Variants in COL6A3 observed in about 807,000 individuals in gnomAD.
COL6A3 encodes the protein collagen type VI alpha 3 chain.
Under a neutral mutation model 274.1 loss-of-function variants are expected in COL6A3, and 137 were observed. The observed-to-expected ratio is 0.50, with a 90% CI of 0.44 to 0.58. The LOEUF (loss-of-function observed/expected upper bound fraction) is 0.58, where lower values mean the gene tolerates loss of function less well. COL6A3 is among the 20% of genes least tolerant of loss of function. The probability of loss-of-function intolerance (pLI) is 0.00; values close to 1 mark genes in which losing one functional copy is unlikely to be tolerated. For synonymous variants in COL6A3, 1,650 were observed against 1,650.6 expected (o/e 1.00, Z 0.01); for missense variants, 3,950 against 4,124.9 (o/e 0.96, Z 1.16).
intron 32 of COL6A3, 81 bp from the exon 33 acceptor site, chr2:237,345,294 C>G (rs892570158): frequency 1.1e-5 from 15 of 1,398,760 alleles, no homozygotes; most frequent in Non-Finnish European, 1.5e-5. Context: ...CAGAAATACA[C>G]AGAGCAAGAC....
intron 1 of COL6A3, among the ~76,000 whole-genome samples, chr2:237,410,801 G>A (rs2078838612): frequency 6.6e-6 from 1 of 152,160 alleles, no homozygotes; most frequent in South Asian, 2.1e-4. Context: ...TAAAGAATAG[G>A]ATTGTCCTTT....
intron 3 of COL6A3, among the ~76,000 whole-genome samples, chr2:237,393,824 A>G (rs1035934977): frequency 2.6e-5 from 4 of 152,228 alleles, no homozygotes; most frequent in African/African-American, 9.6e-5. Context: ...CTGTCGGCCA[A>G]TTAGCTCTGT....
In COL6A3 at chr2:237,380,974, A is replaced by C. The variant is rs1360205214; in HGVS notation, c.1838T>G (p.Leu613Trp). 3.1e-6 allele frequency: 5 copies of C among 1,614,200 alleles called. No homozygotes were observed. The highest frequency in any genetic ancestry group is 3.3e-5 in the Admixed American group (2 of 60,022). Residue 613 changes from leucine to tryptophan, a missense_variant, in exon 5 of 44, where the codon TTG becomes TGG. Around this residue, in one of 5 missense-constraint regions of COL6A3, gnomAD observed 1,934 missense variants for 1,984.3 expected, o/e 0.97. Coordinates refer to ENST00000295550, the MANE Select transcript of COL6A3 (RefSeq NM_004369.4). Reference protein sequence around the residue: ...FIPAEFRAAPLQGMLPGLLAP... With the variant: ...FIPAEFRAAPWQGMLPGLLAP... ...CAGCAAGCCAGGCAGCATGCCTTGC[A>C]ATGGGGCGGCTCGGAACTCAGCTGG... is the stretch of plus-strand genomic sequence containing the variant.
At chr2:237,411,408 T>A (rs1245481141) in intron 1 of COL6A3, among the ~76,000 whole-genome samples, 1 of 152,222 alleles carries the variant, frequency 6.6e-6, no homozygotes, top group Non-Finnish European at 1.5e-5. Flanking sequence ...TTGATCCAGT[T>A]GTCTGAACAC....
At position 237,344,961 on chromosome 2, in the gene COL6A3, G is replaced by T. The variant is rs2077068491; in HGVS notation, c.7163-9C>A. The T allele has an allele frequency of 6.2e-7, 1 of 1,614,200 alleles. No individual in the cohort carries two copies. The highest frequency in any genetic ancestry group is 1.7e-5 in the Admixed American group (1 of 60,028). On this transcript the variant is annotated splice_polypyrimidine_tract_variant and intron_variant, in intron 34 of 43. Transcript: ENST00000295550. The surrounding 1 kb of genome is among the most constrained non-coding windows in gnomAD (Gnocchi z 4.8). ...CTTACCGTAACAGCAAGCTAGAAAA[G>T]AAGCAAAGAGAAGAAAGGGTGAGAG...
chr2:237,385,496 C>T (rs577588813), intron 4 of COL6A3, among the ~76,000 whole-genome samples: 5 of 152,164 alleles, frequency 3.3e-5, no homozygotes, highest in South Asian at 4.1e-4. Flanking sequence ...TTCAAGAAAT[C>T]GAAACCCAGA....
intron 41 of COL6A3, 125 bp downstream of exon 41, chr2:237,334,501 G>C: frequency 1.9e-6 from 2 of 1,056,260 alleles, no homozygotes; most frequent in Non-Finnish European, 2.8e-6. Context: ...TGTTGTTGTT[G>C]CTGTTGTTGT....
At position 237,358,848 on chromosome 2, in the gene COL6A3, G is replaced by A. The variant is rs112752569; in HGVS notation, c.6408+187C>T. Reference sequence around the variant, plus strand: ...TCCCTGCCCTATGGGATGTGATCTCGAAACAAGAAAATGTACTGTAATGTG... The same window carrying A: ...TCCCTGCCCTATGGGATGTGATCTCAAAACAAGAAAATGTACTGTAATGTG... On this transcript the variant is annotated intron_variant, in intron 20 of 43. Transcript: ENST00000295550. Among the ~76,000 whole-genome samples the A allele has an allele frequency of 1.6e-3, 239 of 152,268 alleles. 2 individuals carry two copies. Among genetic ancestry groups the A allele is most frequent in the African/African-American group, 5.0e-3 (208 of 41,550 alleles).
intron 8 of COL6A3, among the ~76,000 whole-genome samples, chr2:237,373,274 G>A (rs917557572): frequency 6.6e-6 from 1 of 152,220 alleles, no homozygotes; most frequent in Non-Finnish European, 1.5e-5. Flanking sequence ...CTGGGGCCAA[G>A]ACACAGCATC....
chr2:237,359,984 G>T, intron 17 of COL6A3, 104 bp downstream of exon 17: 2 of 1,206,392 alleles, frequency 1.7e-6, no homozygotes, highest in Non-Finnish European at 2.4e-6. Flanking sequence ...TGAATGCTGA[G>T]GTCAAGAAGC....
intron 8 of COL6A3, among the ~76,000 whole-genome samples, chr2:237,373,441 A>G (rs2077745260): frequency 6.6e-6 from 1 of 152,218 alleles, no homozygotes; most frequent in Non-Finnish European, 1.5e-5. Flanking sequence ...ATGCTCAGGA[A>G]CATCCCACAG....
chr2:237,388,459 T>G (rs1356165050), intron 3 of COL6A3, among the ~76,000 whole-genome samples: 2 of 152,218 alleles, frequency 1.3e-5, no homozygotes, highest in African/African-American at 4.8e-5. Context: ...AACATCATAT[T>G]CACTTTTCTG....
At chr2:237,335,993 C>T (rs1700522169) in intron 40 of COL6A3, 142 bp downstream of exon 40, 2 of 1,073,896 alleles carry the variant, frequency 1.9e-6, no homozygotes, top group Non-Finnish European at 2.7e-6. Context: ...TAACCAACAC[C>T]TCTTAAAATA....
At chr2:237,352,978 T>C (rs546017512) in intron 25 of COL6A3, among the ~76,000 whole-genome samples, 2 of 152,172 alleles carry the variant, frequency 1.3e-5, no homozygotes, top group African/African-American at 4.8e-5. Context: ...CATGCTGCAA[T>C]GTGGATGAAG....
intron 26 of COL6A3, among the ~76,000 whole-genome samples, chr2:237,351,482 C>A (rs563317943): frequency 2.8e-4 from 42 of 152,352 alleles, no homozygotes; most frequent in Non-Finnish European, 5.3e-4. Flanking sequence ...AGGTTCCTGA[C>A]AGGACGGCAA....
intron 41 of COL6A3, 50 bp downstream of exon 41, chr2:237,334,576 G>A: frequency 6.3e-7 from 1 of 1,590,894 alleles, no homozygotes; most frequent in African/African-American, 1.3e-5. Flanking sequence ...TGTCCTATTT[G>A]ATACTCTACA....
chr2:237,328,463 G>T (rs1319604254), intron 42 of COL6A3: 1 of 152,170 alleles, frequency 6.6e-6, no homozygotes, highest in Non-Finnish European at 1.5e-5. Context: ...CATGTGCGAT[G>T]CATGCACCTT....
rs2077493424 is a variant in COL6A3, at chr2:237,364,003, T to C, written c.5917+347A>G. ...AACTGTGATAACTGCAAACCAAAAATAGAGCAATGTATTTTTATTAGTAAC... is the reference window on the plus strand; with the variant it reads ...AACTGTGATAACTGCAAACCAAAAACAGAGCAATGTATTTTTATTAGTAAC... On this transcript the variant is annotated intron_variant, in intron 13 of 43. Coordinates refer to ENST00000295550, the MANE Select transcript of COL6A3 (RefSeq NM_004369.4). The surrounding 1 kb of genome is among the most constrained non-coding windows in gnomAD (Gnocchi z 4.6). 6.6e-6 allele frequency among the ~76,000 whole-genome samples: 1 copy of C among 152,208 alleles called. No homozygotes were observed. Among genetic ancestry groups the C allele is most frequent in the Non-Finnish European group, 1.5e-5 (1 of 68,036 alleles).
At position 237,377,109 on chromosome 2, in the gene COL6A3, G is replaced by A. The variant is rs1234387335; in HGVS notation, c.2733C>T (p.Gly911=). 6.2e-7 allele frequency: 1 copy of A among 1,614,212 alleles called. No homozygotes were observed. The highest frequency in any genetic ancestry group is 2.2e-5 in the East Asian group (1 of 44,884). The part of the protein sequence containing the change: ...NLVKRMKIKT[G]KALNLGYALD... ...GCGCGTAGCCCAGGTTGAGGGCTTT[G>A]CCCGTCTTGATCTTCATTCTCTTCA... The change falls in exon 7 of 44, where the codon GGC becomes GGT. Residue 911 remains glycine, a synonymous_variant. Coordinates refer to ENST00000295550, the MANE Select transcript of COL6A3 (RefSeq NM_004369.4).
Sources: gnomAD v4.1 joint callset for allele counts (sites outside exome capture counted in the v4.1 genomes callset) on GRCh38, gnomAD v4.1.1 for gene constraint, gnomAD v4.1.1 regional missense constraint, Gnocchi (gnomAD v3.1) non-coding constraint, MANE v1.5 for transcripts, NCBI Gene and HGNC (gene_info 2026-07-23, HGNC 2026-07-21) for gene names.